The following FILIP1L variants were observed in gnomAD, a reference collection of about 807,000 sequenced individuals.
FILIP1L encodes the protein filamin A-interacting protein 1-like.
In FILIP1L, 55 loss-of-function variants were observed where a neutral mutation model predicts 96.6. The observed-to-expected ratio is 0.57, with a 90% CI of 0.46 to 0.71. The LOEUF is 0.71. Ranked by LOEUF, FILIP1L falls within the 30% of genes least tolerant of loss-of-function variation. FILIP1L has a pLI of 0.00. For synonymous variants in FILIP1L, 467 were observed against 473.9 expected, an observed-to-expected ratio of 0.99 and a Z score of 0.19; for missense variants, 1,304 against 1,321.2, an observed-to-expected ratio of 0.99 and a Z score of 0.20.
At chr3:99,989,155 A>G (rs1176454891) in intron 1 of FILIP1L, among the ~76,000 whole-genome samples, 1 of 152,238 alleles carries the variant, frequency 6.6e-6, no homozygotes, top group Non-Finnish European at 1.5e-5. Flanking sequence ...ACTGTATGAC[A>G]TGGGTATTAT....
chr3:99,942,531 T>A (rs1707880253), intron 1 of FILIP1L, among the ~76,000 whole-genome samples: 1 of 152,188 alleles, frequency 6.6e-6, no homozygotes, highest in African/African-American at 2.4e-5. Context: ...TACATAAACA[T>A]TTTAAGAAGT....
intron 1 of FILIP1L, among the ~76,000 whole-genome samples, chr3:100,070,550 G>GTTGTA (rs755990291): frequency 6.6e-6 from 1 of 152,216 alleles, no homozygotes; most frequent in African/African-American, 2.4e-5. Flanking sequence ...GATGTATGGG[G>GTTGTA]TTGTAATAAG....
At chr3:99,835,192 G>A (rs1184155479) in intron 5 of FILIP1L, among the ~76,000 whole-genome samples, 1 of 152,180 alleles carries the variant, frequency 6.6e-6, no homozygotes, top group Admixed American at 6.5e-5. Flanking sequence ...TGAATAAGCA[G>A]CACTGATTCC....
At chr3:99,913,101 A>G (rs1706843075) in intron 4 of FILIP1L, among the ~76,000 whole-genome samples, 1 of 152,218 alleles carries the variant, frequency 6.6e-6, no homozygotes, top group African/African-American at 2.4e-5. Context: ...ACAGCGGTTT[A>G]CAACCCAGAA....
rs1423538989 is a variant in FILIP1L, at chr3:99,848,632, T to C, written c.3044A>G (p.Glu1015Gly). The change falls in exon 5 of 6, where the codon GAG (glutamate) becomes GGG (glycine). Residue 1015 changes from glutamate (E) to glycine (G), a missense_variant. Transcript: ENST00000477258. ...TGTTGGTTCTGGGGAGCGTCCCTGCTCAGGAGAGCTAGCTGAACCAGTCAC... is the reference window on the plus strand; with the variant it reads ...TGTTGGTTCTGGGGAGCGTCCCTGCCCAGGAGAGCTAGCTGAACCAGTCAC... ...LAVTGSASSP[E>G]QGRSPEPTEI... 1 of 1,614,138 alleles carries C rather than the reference T, an allele frequency of 6.2e-7. No homozygotes were observed. The highest frequency in any genetic ancestry group is 1.7e-5 in the Admixed American group (1 of 60,022).
chr3:99,896,419 T>C (rs12493124), intron 4 of FILIP1L, among the ~76,000 whole-genome samples: 2 of 152,202 alleles, frequency 1.3e-5, no homozygotes, highest in Admixed American at 1.3e-4. Flanking sequence ...TTTCTGTGTG[T>C]GAAGTGTATA....
chr3:99,838,252 C>T (rs751588155), intron 5 of FILIP1L, among the ~76,000 whole-genome samples: 157 of 152,308 alleles, frequency 1.0e-3, no homozygotes, highest in African/African-American at 3.5e-3. Context: ...CAGTCTTCCC[C>T]GTGCCTGCCC....
chr3:99,830,285 T>A lies in FILIP1L; in HGVS notation c.*129A>T, dbSNP rs1942627576. The A allele has an allele frequency of 2.0e-5, 7 of 344,284 alleles. No individual in the cohort carries two copies. The highest frequency in any genetic ancestry group is 4.3e-5 in the African/African-American group (2 of 46,612). The allele number at this position is 344,284 out of a possible 1,614,324, so 21.3% of individuals were successfully genotyped here. A position where few individuals can be genotyped will look rare whatever the true frequency, so the allele number is the denominator to read the frequency against. On this transcript the variant is annotated 3_prime_UTR_variant, in exon 6 of 6. Transcript: ENST00000477258. ...AGACGTGCTGCTTTTTGGGGGATGA[T>A]CTTCATCAGGTCCACAAAGCTGCTT...
At position 99,882,266 on chromosome 3, in the gene FILIP1L, A is replaced by G. The variant is rs545127482; in HGVS notation, c.606-31196T>C. On this transcript the variant is annotated intron_variant, in intron 4 of 5. Coordinates refer to ENST00000477258, the MANE Select transcript of FILIP1L (RefSeq NM_001387850.1). The stretch of plus-strand genomic sequence containing the variant: ...TTCGGTTCCAAATTCTGCTTTGTCC[A>G]TTATTTATGTAGTTAATTGCTTGAT... Among the ~76,000 whole-genome samples the G allele has an allele frequency of 4.5e-4, 68 of 152,296 alleles. 1 individual carries two copies. Among genetic ancestry groups the G allele is most frequent in the Admixed American group, 3.2e-3 (49 of 15,300 alleles).
chr3:99,857,093 A>T (rs1354055318), intron 4 of FILIP1L, among the ~76,000 whole-genome samples: 5 of 152,004 alleles, frequency 3.3e-5, no homozygotes, highest in African/African-American at 1.2e-4. Context: ...AACCACATGA[A>T]TTTTTTTTGA....
rs897728278 is a variant in FILIP1L at position 99,957,718 on chromosome 3, T to C, written c.-10-26688A>G. Among the ~76,000 whole-genome samples the C allele has an allele frequency of 3.6e-5, 5 of 140,136 alleles. No homozygotes were observed. In the East Asian group the frequency reaches 1.1e-3, roughly 30 times the overall value. 91.9% of individuals were successfully genotyped at this position (140,136 alleles called of 152,430 possible). ...CTTTTTTTTTTTTTTTTTTTTTTTT[T>C]TTTGGTGTGTGTGTTTGTTTGGAAC... On this transcript the variant is annotated intron_variant, in intron 1 of 5. Coordinates refer to ENST00000477258, the MANE Select transcript of FILIP1L (RefSeq NM_001387850.1).
At chr3:99,866,910 T>C (rs1944549122) in intron 4 of FILIP1L, among the ~76,000 whole-genome samples, 1 of 152,240 alleles carries the variant, frequency 6.6e-6, no homozygotes, top group Admixed American at 6.5e-5. Flanking sequence ...GCATGCTTTG[T>C]ACAAATTAAA....
At chr3:99,965,088 G>C (rs1472789571) in intron 1 of FILIP1L, among the ~76,000 whole-genome samples, 1 of 152,142 alleles carries the variant, frequency 6.6e-6, no homozygotes, top group African/African-American at 2.4e-5. Context: ...TTATTTTCTA[G>C]TAATTACCTT....
chr3:99,889,196 G>T (rs114741183), intron 4 of FILIP1L, among the ~76,000 whole-genome samples: 2,033 of 152,156 alleles, frequency 0.013, 37 homozygotes, highest in African/African-American at 0.043. Context: ...TAACTAACAA[G>T]GATGTGCTGT....
At chr3:100,094,278 G>T (rs1252389941) in intron 1 of FILIP1L, among the ~76,000 whole-genome samples, 2 of 151,856 alleles carry the variant, frequency 1.3e-5, no homozygotes, top group African/African-American at 4.8e-5. Context: ...TGAATTGATT[G>T]GATTGTTCTT....
At chr3:100,094,011 TTA>T (rs1396777789) in intron 1 of FILIP1L, among the ~76,000 whole-genome samples, 1 of 152,202 alleles carries the variant, frequency 6.6e-6, no homozygotes, top group Non-Finnish European at 1.5e-5. Flanking sequence ...TATGGTAGTT[TTA>T]TAGAGTTACT....
chr3:99,891,237 C>T (rs1475166359), intron 4 of FILIP1L, among the ~76,000 whole-genome samples: 1 of 151,980 alleles, frequency 6.6e-6, no homozygotes, highest in African/African-American at 2.4e-5. Context: ...ATTACCCTTT[C>T]GTCTGGGTAA....
intron 1 of FILIP1L, among the ~76,000 whole-genome samples, chr3:100,085,715 G>T (rs1424122236): frequency 5.9e-5 from 9 of 152,160 alleles, no homozygotes; most frequent in Non-Finnish European, 1.2e-4. Flanking sequence ...GCAGTGTTCT[G>T]TCATTTTTGT....
chr3:100,012,754 G>A (rs1710194755), intron 1 of FILIP1L, among the ~76,000 whole-genome samples: 1 of 143,712 alleles, frequency 7.0e-6, no homozygotes, highest in African/African-American at 2.5e-5. Flanking sequence ...GATCCAGGAA[G>A]CATATTCTTT....
Sources: allele counts gnomAD v4.1 joint callset (sites outside exome capture counted in the v4.1 genomes callset), GRCh38; gene constraint gnomAD v4.1.1; transcripts MANE v1.5; gene names NCBI Gene and HGNC (gene_info 2026-07-23, HGNC 2026-07-21).